CNTN5: variants seen among roughly 807,000 people sequenced by gnomAD.
The protein encoded by CNTN5 is contactin 5, also known as contactin-5.
In CNTN5, 77 loss-of-function variants were observed where a neutral mutation model predicts 129.1. The ratio of observed to expected loss-of-function variants is 0.60; its 90% CI spans 0.50 to 0.72. CNTN5 has a LOEUF of 0.72. CNTN5 is among the 30% of genes least tolerant of loss of function. The probability of loss-of-function intolerance (pLI) is 0.00; values close to 1 mark genes in which losing one functional copy is unlikely to be tolerated. For synonymous variants in CNTN5, 509 were observed against 465.6 expected, an observed-to-expected ratio of 1.09 and a Z score of -1.20; for missense variants, 1,478 against 1,328.8, an observed-to-expected ratio of 1.11 and a Z score of -1.75.
At chr11:99,618,275 T>G (rs2135752353) in intron 3 of CNTN5, among the ~76,000 whole-genome samples, 1 of 152,240 alleles carries the variant, frequency 6.6e-6, no homozygotes, top group East Asian at 1.9e-4. Context: ...ATATAAAAAT[T>G]GTTGGAAGTT....
In CNTN5 at chr11:99,476,081, T is replaced by TTC. The variant is rs1554998868; in HGVS notation, c.-70-80064_-70-80063insTC. 9.8e-3 allele frequency among the ~76,000 whole-genome samples: 1,491 copies of TTC among 151,936 alleles called. 25 individuals are homozygous for TTC. The highest frequency in any genetic ancestry group is 0.034 in the African/African-American group (1,394 of 41,454). ...ATTCTCTTGCTCTCTTTCTCTTTTT[T>TTC]CCCCCAAAGAAAGGATGGAATTGAG... On this transcript the variant is annotated intron_variant, in intron 2 of 24. Coordinates refer to ENST00000524871, the MANE Select transcript of CNTN5 (RefSeq NM_014361.4).
intron 7 of CNTN5, among the ~76,000 whole-genome samples, chr11:99,942,994 G>C (rs891475265): frequency 2.0e-5 from 3 of 151,980 alleles, no homozygotes; most frequent in African/African-American, 7.2e-5. Flanking sequence ...ATTGTAAACA[G>C]TGCTCCAATA....
At chr11:100,222,870 G>T (rs1949293639) in intron 15 of CNTN5, among the ~76,000 whole-genome samples, 1 of 151,908 alleles carries the variant, frequency 6.6e-6, no homozygotes. Flanking sequence ...CAGAGAGAAA[G>T]AAGCTAAAGT....
chr11:99,551,810 C>T (rs1214343513), intron 2 of CNTN5, among the ~76,000 whole-genome samples: 1 of 151,954 alleles, frequency 6.6e-6, no homozygotes, highest in Non-Finnish European at 1.5e-5. Flanking sequence ...ATATAATTAT[C>T]TTATGGGAAC....
chr11:99,669,145 T>C (rs1176709692), intron 3 of CNTN5, among the ~76,000 whole-genome samples: 1 of 152,180 alleles, frequency 6.6e-6, no homozygotes, highest in Non-Finnish European at 1.5e-5. Context: ...AATTTTATTA[T>C]AATAGTGTGC....
chr11:99,906,765 A>G (rs1000140654), intron 6 of CNTN5, among the ~76,000 whole-genome samples: 1 of 152,104 alleles, frequency 6.6e-6, no homozygotes, highest in Non-Finnish European at 1.5e-5. Flanking sequence ...CTGTGAATCC[A>G]TCTGATCCTG....
At chr11:99,093,470 T>C (rs1174532778) in intron 1 of CNTN5, among the ~76,000 whole-genome samples, 1 of 151,740 alleles carries the variant, frequency 6.6e-6, no homozygotes, top group African/African-American at 2.4e-5. Context: ...TCTTATTTTG[T>C]TTTTTGGTTG....
chr11:99,689,679 A>C (rs1484334631), intron 3 of CNTN5, among the ~76,000 whole-genome samples: 1 of 151,708 alleles, frequency 6.6e-6, no homozygotes, highest in East Asian at 1.9e-4. Flanking sequence ...TGTAATTATC[A>C]GTGTTGTTGG....
At chr11:100,028,531 C>T (rs958250896) in intron 9 of CNTN5, among the ~76,000 whole-genome samples, 1 of 152,138 alleles carries the variant, frequency 6.6e-6, no homozygotes, top group East Asian at 1.9e-4. Flanking sequence ...GCATTGTTTA[C>T]TTTATGAAGC....
chr11:99,574,761 GT>G (rs552700073), intron 3 of CNTN5, among the ~76,000 whole-genome samples: 19 of 150,196 alleles, frequency 1.3e-4, no homozygotes, highest in East Asian at 2.0e-4. Context: ...GGGGTTGTTT[GT>G]TTTTTTTTCC....
At chr11:99,844,432 A>G (rs1947614935) in intron 4 of CNTN5, among the ~76,000 whole-genome samples, 1 of 152,220 alleles carries the variant, frequency 6.6e-6, no homozygotes, top group South Asian at 2.1e-4. Context: ...TCATACCTGT[A>G]GCACCTAAGT....
intron 13 of CNTN5, among the ~76,000 whole-genome samples, chr11:100,084,011 G>C (rs1944459416): frequency 6.6e-6 from 1 of 151,462 alleles, no homozygotes; most frequent in South Asian, 2.1e-4. Context: ...AACAGAACAA[G>C]TCTGGTTTGT....
At chr11:99,170,191 C>A (rs1354672101) in intron 1 of CNTN5, among the ~76,000 whole-genome samples, 1 of 152,004 alleles carries the variant, frequency 6.6e-6, no homozygotes, top group Non-Finnish European at 1.5e-5. Flanking sequence ...ATATATGGAA[C>A]CAAGCACTGC....
rs552285805 is a variant in CNTN5, at chr11:99,090,176, T to A, written c.-210+68906T>A. Among the ~76,000 whole-genome samples the A allele has an allele frequency of 1.4e-4, 22 of 152,340 alleles. No homozygotes were observed. The East Asian group carries it at 4.1e-3, about 28-fold the overall frequency. On this transcript the variant is annotated intron_variant, in intron 1 of 24. Coordinates refer to ENST00000524871, the MANE Select transcript of CNTN5 (RefSeq NM_014361.4). ...TCATTCATATGTCACTAATTCTGAA[T>A]ATTATGTAAAAAGAGACAACGGGGA...
chr11:100,314,324 C>G (rs1056819377), intron 21 of CNTN5, among the ~76,000 whole-genome samples: 1 of 152,122 alleles, frequency 6.6e-6, no homozygotes, highest in East Asian at 1.9e-4. Flanking sequence ...GCAGAAAACT[C>G]TTTTAGCCTC....
At chr11:99,961,219 A>C (rs12576101) in intron 8 of CNTN5, among the ~76,000 whole-genome samples, 2 of 145,720 alleles carry the variant, frequency 1.4e-5, no homozygotes, top group Non-Finnish European at 1.5e-5. Context: ...AAAAAAAAAA[A>C]AAAAAACAGT....
chr11:99,409,394 G>A (rs1338652454), intron 2 of CNTN5, among the ~76,000 whole-genome samples: 1 of 152,152 alleles, frequency 6.6e-6, no homozygotes, highest in Non-Finnish European at 1.5e-5. Context: ...CGTGAACCCG[G>A]GAGATGGAGC....
intron 1 of CNTN5, among the ~76,000 whole-genome samples, chr11:99,286,136 T>A (rs906930031): frequency 3.9e-5 from 6 of 152,130 alleles, no homozygotes; most frequent in Non-Finnish European, 8.8e-5. Context: ...TTCTGCTTTC[T>A]ATTGTTACTA....
At chr11:100,036,042 C>G (rs1941978319) in intron 9 of CNTN5, among the ~76,000 whole-genome samples, 1 of 152,132 alleles carries the variant, frequency 6.6e-6, no homozygotes, top group South Asian at 2.1e-4. Context: ...AGTCCTTGCC[C>G]ATGCCTATGT....
Sources: allele counts gnomAD v4.1 joint callset (sites outside exome capture counted in the v4.1 genomes callset), GRCh38; gene constraint gnomAD v4.1.1; transcripts MANE v1.5; gene names NCBI Gene and HGNC (gene_info 2026-07-23, HGNC 2026-07-21).